Variants in ARL15 observed in about 807,000 individuals in gnomAD.
ARL15 encodes the protein ADP-ribosylation factor-like protein 15.
ARL15 carries 19 observed loss-of-function variants against 25.2 expected under a neutral mutation model. The ratio of observed to expected loss-of-function variants is 0.75; its 90% CI spans 0.53 to 1.10. The LOEUF is 1.10. Ranked by LOEUF, ARL15 falls within the 50% of genes least tolerant of loss-of-function variation. ARL15 has a pLI of 0.00. For synonymous variants in ARL15, 94 were observed against 86.8 expected, an observed-to-expected ratio of 1.08 and a Z score of -0.46; for missense variants, 220 against 246.0, an observed-to-expected ratio of 0.89 and a Z score of 0.71.
At chr5:54,268,764 A>G (rs1757697153) in intron 1 of ARL15, among the ~76,000 whole-genome samples, 1 of 152,188 alleles carries the variant, frequency 6.6e-6, no homozygotes, top group African/African-American at 2.4e-5. Flanking sequence ...ATAAAGACAC[A>G]TGCACACATA....
intron 4 of ARL15, among the ~76,000 whole-genome samples, chr5:54,016,384 C>T (rs1337747022): frequency 2.0e-5 from 3 of 152,152 alleles, no homozygotes; most frequent in Non-Finnish European, 4.4e-5. Context: ...GGACAGGTTC[C>T]TCTTGCAGGC....
chr5:54,150,169 A>C (rs932812214), intron 3 of ARL15, among the ~76,000 whole-genome samples: 17 of 152,234 alleles, frequency 1.1e-4, no homozygotes, highest in African/African-American at 4.1e-4. Context: ...TCTAGAACTG[A>C]GCCTGGCATG....
intron 1 of ARL15, among the ~76,000 whole-genome samples, chr5:54,209,693 A>G (rs180863603): frequency 3.7e-3 from 357 of 96,692 alleles, no homozygotes; most frequent in Non-Finnish European, 6.6e-3. Context: ...ACATATAATG[A>G]AAAAAAAAAT....
chr5:53,924,016 C>A (rs1561151499), intron 4 of ARL15, among the ~76,000 whole-genome samples: 1 of 152,118 alleles, frequency 6.6e-6, no homozygotes, highest in African/African-American at 2.4e-5. Flanking sequence ...GAAAGCAGAA[C>A]GTTGAAGATA....
rs70986658 is a variant in ARL15 at position 54,075,485 on chromosome 5, CT to C, written c.462+37716del. On this transcript the variant is annotated intron_variant, in intron 4 of 4. Coordinates refer to ENST00000504924, the MANE Select transcript of ARL15 (RefSeq NM_019087.3). Reference sequence around the variant, plus strand: ...GTCTTTGGGTTAATAATATATATTCCTTTTTTTTTTTGAGATAAGGTCTCAC... The same window carrying C: ...GTCTTTGGGTTAATAATATATATTCCTTTTTTTTTTGAGATAAGGTCTCAC... The C allele has an allele frequency of 2.8e-4, 42 of 150,194 alleles. No individual in the cohort carries two copies. The Middle Eastern group carries it at 6.3e-3, about 23-fold the overall frequency. The allele number at this position is 150,194 out of a possible 1,614,324, so 9.3% of individuals were successfully genotyped here. A position where few individuals can be genotyped will look rare whatever the true frequency, so the allele number is the denominator to read the frequency against.
chr5:54,114,739 T>C (rs1003105013), intron 3 of ARL15, among the ~76,000 whole-genome samples: 1 of 152,180 alleles, frequency 6.6e-6, no homozygotes, highest in East Asian at 1.9e-4. Flanking sequence ...AGGGAAGGCA[T>C]AGGCACTTCC....
intron 4 of ARL15, among the ~76,000 whole-genome samples, chr5:54,028,866 C>T (rs149194055): frequency 6.8e-4 from 104 of 152,102 alleles, no homozygotes; most frequent in Admixed American, 6.4e-3. Context: ...AATACTACTA[C>T]TAAAAATTAA....
intron 1 of ARL15, among the ~76,000 whole-genome samples, chr5:54,172,944 C>T (rs533939802): frequency 6.6e-6 from 1 of 152,226 alleles, no homozygotes; most frequent in South Asian, 2.1e-4. Context: ...CTGGGCCAGG[C>T]ACAGTGGCTC....
At chr5:54,013,414 T>C (rs539627375) in intron 4 of ARL15, among the ~76,000 whole-genome samples, 44 of 152,174 alleles carry the variant, frequency 2.9e-4, no homozygotes, top group Non-Finnish European at 5.4e-4. Flanking sequence ...GAGATTTAGT[T>C]TAAATTTTAA....
rs1467719962 is a variant in ARL15, at chr5:54,182,358, T to G, written c.49-10430A>C. 4.2e-3 allele frequency among the ~76,000 whole-genome samples: 560 copies of G among 132,106 alleles called. 3 individuals carry two copies. Among genetic ancestry groups the G allele is most frequent in the African/African-American group, 0.015 (536 of 34,926 alleles). The allele number at this position is 132,106 out of a possible 152,430, so 86.7% of individuals were successfully genotyped here. On this transcript the variant is annotated intron_variant, in intron 1 of 4. Transcript: ENST00000504924. ...TAAGGAAGGGATCCAGTTTCAGCTT[T>G]CTACATATGGCTAGCCAGTTTTCCC...
At chr5:53,906,477 A>G (rs1171748382) in intron 4 of ARL15, among the ~76,000 whole-genome samples, 1 of 152,210 alleles carries the variant, frequency 6.6e-6, no homozygotes, top group Non-Finnish European at 1.5e-5. Context: ...GAGGTACAAC[A>G]TAATGGGGGG....
chr5:54,131,489 C>T (rs1192764063), intron 3 of ARL15, among the ~76,000 whole-genome samples: 2 of 152,268 alleles, frequency 1.3e-5, no homozygotes, highest in East Asian at 3.9e-4. Flanking sequence ...AAAACCCTTC[C>T]TTTTACTGTA....
At chr5:54,128,887 A>G (rs1753348639) in intron 3 of ARL15, among the ~76,000 whole-genome samples, 1 of 151,732 alleles carries the variant, frequency 6.6e-6, no homozygotes, top group Non-Finnish European at 1.5e-5. Flanking sequence ...TTGTATTTTT[A>G]GTAGAGATGG....
At chr5:54,240,176 G>A (rs1202061506) in intron 1 of ARL15, among the ~76,000 whole-genome samples, 1 of 150,692 alleles carries the variant, frequency 6.6e-6, no homozygotes. Context: ...GCAGTGAGCC[G>A]AGATCGCGCC....
intron 4 of ARL15, among the ~76,000 whole-genome samples, chr5:54,036,698 A>C (rs1418412469): frequency 6.6e-6 from 1 of 152,216 alleles, no homozygotes; most frequent in African/African-American, 2.4e-5. Context: ...TTTTCAGACT[A>C]ATAAAAACCT....
chr5:54,174,568 A>C (rs1267544595), intron 1 of ARL15, among the ~76,000 whole-genome samples: 2 of 152,098 alleles, frequency 1.3e-5, no homozygotes, highest in Admixed American at 6.5e-5. Context: ...TACTTATTTC[A>C]GTCTGTCTTC....
intron 4 of ARL15, among the ~76,000 whole-genome samples, chr5:54,003,248 T>C (rs577512503): frequency 6.6e-6 from 1 of 152,108 alleles, no homozygotes; most frequent in Non-Finnish European, 1.5e-5. Context: ...TATCTAACAG[T>C]GACAGTGAGA....
At chr5:53,970,679 T>C (rs1055409449) in intron 4 of ARL15, among the ~76,000 whole-genome samples, 1 of 152,170 alleles carries the variant, frequency 6.6e-6, no homozygotes, top group African/African-American at 2.4e-5. Flanking sequence ...TTTGTGTAGA[T>C]AGGCTGGAGG....
intron 2 of ARL15, among the ~76,000 whole-genome samples, chr5:54,159,429 C>T (rs1754337831): frequency 6.6e-6 from 1 of 152,130 alleles, no homozygotes; most frequent in East Asian, 1.9e-4. Flanking sequence ...CTTAGACTCA[C>T]CAGCCACATT....
Sources: gnomAD v4.1 joint callset for allele counts (sites outside exome capture counted in the v4.1 genomes callset) on GRCh38, gnomAD v4.1.1 for gene constraint, MANE v1.5 for transcripts, NCBI Gene and HGNC (gene_info 2026-07-23, HGNC 2026-07-21) for gene names.